The following LPP variants were observed in gnomAD, a reference collection of about 807,000 sequenced individuals.
LPP encodes LIM domain containing preferred translocation partner in lipoma.
A neutral mutation model predicts 60.4 loss-of-function variants in LPP; 38 were observed. The observed-to-expected ratio is 0.63, with a 90% confidence interval of 0.49 to 0.83. The LOEUF is 0.83. LPP is among the 40% of genes least tolerant of loss of function. The pLI, the probability that LPP is intolerant of heterozygous loss-of-function variation, is 0.00. For missense variants in LPP, 902 were observed against 783.6 expected (o/e 1.15, Z -1.80); for synonymous variants, 328 against 290.8 (o/e 1.13, Z -1.30).
chr3:188,784,356 A>G (rs1223401296), intron 9 of LPP, among the ~76,000 whole-genome samples: 1 of 67,936 alleles, frequency 1.5e-5, no homozygotes, highest in Non-Finnish European at 2.7e-5. Flanking sequence ...TATATATTCC[A>G]TCATATATAT....
At chr3:188,421,993 C>CT (rs1175049959) in intron 4 of LPP, among the ~76,000 whole-genome samples, 4 of 152,216 alleles carry the variant, frequency 2.6e-5, no homozygotes, top group African/African-American at 9.6e-5. Context: ...AAAGTCAACA[C>CT]TGTTGGCAGG....
chr3:188,384,760 A>C (rs1777796989), intron 3 of LPP, among the ~76,000 whole-genome samples: 1 of 92,614 alleles, frequency 1.1e-5, no homozygotes, highest in African/African-American at 3.6e-5. Context: ...ACTGCACTCC[A>C]GCCTGGGCGA....
At chr3:188,226,701 C>G (rs1416382261) in intron 2 of LPP, among the ~76,000 whole-genome samples, 1 of 152,104 alleles carries the variant, frequency 6.6e-6, no homozygotes, top group East Asian at 1.9e-4. Flanking sequence ...TGGCTTTGTA[C>G]TGAGTAATTA....
At chr3:188,680,738 C>G (rs1260737431) in intron 7 of LPP, among the ~76,000 whole-genome samples, 1 of 152,158 alleles carries the variant, frequency 6.6e-6, no homozygotes, top group Non-Finnish European at 1.5e-5. Context: ...TTATCATTTA[C>G]TTAGAAATTA....
At chr3:188,552,161 T>C (rs902291390) in intron 6 of LPP, among the ~76,000 whole-genome samples, 5 of 152,198 alleles carry the variant, frequency 3.3e-5, no homozygotes, top group African/African-American at 1.2e-4. Context: ...TTCCCAGAAT[T>C]ATTACATCTT....
intron 1 of LPP, among the ~76,000 whole-genome samples, chr3:188,207,545 C>T (rs1733628949): frequency 6.6e-6 from 1 of 151,720 alleles, no homozygotes. Flanking sequence ...ATTTTCTAAG[C>T]TTGATTTTAA....
At chr3:188,259,662 T>A (rs1295144082) in intron 2 of LPP, among the ~76,000 whole-genome samples, 1 of 152,252 alleles carries the variant, frequency 6.6e-6, no homozygotes, top group East Asian at 1.9e-4. Flanking sequence ...CCAAGAATAT[T>A]GTAGGCATTT....
At chr3:188,693,507 G>C (rs185968723) in intron 7 of LPP, among the ~76,000 whole-genome samples, 1 of 152,104 alleles carries the variant, frequency 6.6e-6, no homozygotes. Context: ...TGAAAGGGGG[G>C]AGGCAAGATA....
intron 2 of LPP, among the ~76,000 whole-genome samples, chr3:188,249,716 G>A (rs980784764): frequency 2.6e-5 from 4 of 151,114 alleles, no homozygotes; most frequent in East Asian, 3.9e-4. Flanking sequence ...TGCAAAATAA[G>A]CATAGTCCAA....
At chr3:188,815,734 G>A (rs973832845) in intron 9 of LPP, among the ~76,000 whole-genome samples, 2 of 152,164 alleles carry the variant, frequency 1.3e-5, no homozygotes, top group African/African-American at 4.8e-5. Context: ...TCTTCCAATG[G>A]CATTGTTACA....
intron 5 of LPP, among the ~76,000 whole-genome samples, chr3:188,507,853 C>G (rs1814033473): frequency 6.6e-6 from 1 of 152,148 alleles, no homozygotes. Context: ...AGTTTCTGTC[C>G]TTGGTAAAAG....
chr3:188,882,512 G>A lies in LPP; in HGVS notation c.*8033G>A, dbSNP rs6793523. On this transcript the variant is annotated 3_prime_UTR_variant, in exon 12 of 12. Coordinates refer to ENST00000617246, the MANE Select transcript of LPP (RefSeq NM_001375462.1). ...CCAGCATGCACAGTATGGACAGGAA[G>A]CAGCCCTCCATGAACTTTATTATCA... The A allele has an allele frequency of 0.22, 50,090 of 225,510 alleles. 7,307 individuals are homozygous for A. The highest frequency in any genetic ancestry group is 0.5 in the East Asian group (7,833 of 15,600). 14.0% of individuals were successfully genotyped at this position (225,510 alleles called of 1,614,324 possible).
intron 1 of LPP, among the ~76,000 whole-genome samples, chr3:188,167,890 T>G: frequency 6.6e-6 from 1 of 152,208 alleles, no homozygotes; most frequent in East Asian, 1.9e-4. Context: ...ATAACTTGCA[T>G]TTGTCTTTGC....
At chr3:188,369,824 G>T (rs1772458759) in intron 3 of LPP, among the ~76,000 whole-genome samples, 1 of 152,116 alleles carries the variant, frequency 6.6e-6, no homozygotes, top group South Asian at 2.1e-4. Context: ...TTTACTCTTT[G>T]TAAAAGAATC....
intron 9 of LPP, among the ~76,000 whole-genome samples, chr3:188,859,393 A>G (rs545839351): frequency 2.6e-5 from 4 of 152,306 alleles, no homozygotes; most frequent in Admixed American, 6.5e-5. Context: ...CTCACCATTC[A>G]TAAGTAATTA....
chr3:188,589,622 C>G (rs1415619821), intron 6 of LPP, among the ~76,000 whole-genome samples: 3 of 152,108 alleles, frequency 2.0e-5, no homozygotes, highest in African/African-American at 4.8e-5. Context: ...ATCCTGTATC[C>G]TATGATAAAA....
intron 2 of LPP, among the ~76,000 whole-genome samples, chr3:188,270,064 A>G (rs771756505): frequency 6.6e-6 from 1 of 152,094 alleles, no homozygotes; most frequent in Non-Finnish European, 1.5e-5. Context: ...AAGCAAAACT[A>G]ATCTGTGGTA....
At chr3:188,648,262 A>T (rs1405965988) in intron 7 of LPP, among the ~76,000 whole-genome samples, 1 of 152,098 alleles carries the variant, frequency 6.6e-6, no homozygotes, top group Admixed American at 6.5e-5. Flanking sequence ...CTACATAGGG[A>T]TGGTGAATTC....
chr3:188,871,177 T>A (rs1444053658), intron 10 of LPP, among the ~76,000 whole-genome samples: 1 of 152,186 alleles, frequency 6.6e-6, no homozygotes, highest in African/African-American at 2.4e-5. Flanking sequence ...GGCTTATGGA[T>A]ACACTGAAAA....
Sources: gnomAD v4.1 joint callset for allele counts (sites outside exome capture counted in the v4.1 genomes callset) on GRCh38, gnomAD v4.1.1 for gene constraint, MANE v1.5 for transcripts, NCBI Gene and HGNC (gene_info 2026-07-23, HGNC 2026-07-21) for gene names.